The following CHSY1 variants were observed in gnomAD, a reference collection of about 807,000 sequenced individuals.
CHSY1 encodes chondroitin sulfate synthase 1, also known as N-acetylgalactosaminyl-proteoglycan 3-beta-glucuronosyltransferase 1.
In CHSY1, 13 loss-of-function variants were observed where a neutral mutation model predicts 59.8. That is an observed-to-expected ratio of 0.22 (90% CI 0.14 to 0.35). CHSY1 has a LOEUF of 0.35. Ranked by LOEUF, CHSY1 falls within the 10% of genes least tolerant of loss-of-function variation. The pLI is 1.00. For missense variants in CHSY1, 947 were observed against 1,030.6 expected, an observed-to-expected ratio of 0.92 and a Z score of 1.11; for synonymous variants, 459 against 401.2, an observed-to-expected ratio of 1.14 and a Z score of -1.72.
intron 2 of CHSY1, among the ~76,000 whole-genome samples, chr15:101,231,814 G>C (rs1343021485): frequency 1.3e-5 from 2 of 152,152 alleles, no homozygotes; most frequent in Non-Finnish European, 2.9e-5. Context: ...TCATGTATTT[G>C]CCTTGATAAA....
At chr15:101,204,208 T>C (rs547380046) in intron 2 of CHSY1, among the ~76,000 whole-genome samples, 14 of 151,810 alleles carry the variant, frequency 9.2e-5, no homozygotes, top group Admixed American at 2.6e-4. Flanking sequence ...CCGAGGTGGG[T>C]GGATCAGCTG....
chr15:101,204,481 T>C (rs1026149818), intron 2 of CHSY1, among the ~76,000 whole-genome samples: 2 of 149,020 alleles, frequency 1.3e-5, no homozygotes, highest in African/African-American at 4.9e-5. Context: ...TGTACACTTA[T>C]AGAGAAAATG....
At chr15:101,185,758 G>C (rs2038352921) in intron 2 of CHSY1, among the ~76,000 whole-genome samples, 1 of 145,980 alleles carries the variant, frequency 6.9e-6, no homozygotes, top group Admixed American at 6.9e-5. Flanking sequence ...GCTGTGATTT[G>C]GGTTTTCCCT....
At chr15:101,215,490 C>T (rs923239800) in intron 2 of CHSY1, among the ~76,000 whole-genome samples, 57 of 152,298 alleles carry the variant, frequency 3.7e-4, no homozygotes, top group Non-Finnish European at 6.9e-4. Context: ...ATCCCAGCAT[C>T]TGAGGAGGCC....
intron 2 of CHSY1, among the ~76,000 whole-genome samples, chr15:101,179,910 T>C (rs2141237557): frequency 6.6e-6 from 1 of 152,370 alleles, no homozygotes; most frequent in East Asian, 1.9e-4. Flanking sequence ...GATGAACGTT[T>C]TTACAAAGCA....
At position 101,251,637 on chromosome 15, in the gene CHSY1, G is replaced by A. The variant is rs2039116018; in HGVS notation, c.-181C>T. On this transcript the variant is annotated 5_prime_UTR_variant, in exon 1 of 3. Transcript: ENST00000254190. ...CGAGCCGCCCGCAGGCCCCGCGCCGGCGCTTTGTTCCGCACGCCCGCCCCC... is the reference window on the plus strand; with the variant it reads ...CGAGCCGCCCGCAGGCCCCGCGCCGACGCTTTGTTCCGCACGCCCGCCCCC... The A allele has an allele frequency of 6.8e-6, 1 of 146,366 alleles. No individual in the cohort carries two copies. The highest frequency in any genetic ancestry group is 2.5e-5 in the African/African-American group (1 of 40,770). 9.1% of individuals were successfully genotyped at this position (146,366 alleles called of 1,614,324 possible). A position where few individuals can be genotyped will look rare whatever the true frequency, so the allele number is the denominator to read the frequency against.
Position 101,235,593 on chromosome 15 carries a change from A to T in CHSY1, c.321-16T>A. On this transcript the variant is annotated splice_polypyrimidine_tract_variant and intron_variant, in intron 1 of 2. Transcript: ENST00000254190. ...GGACCATGTTCTGGAATTAAAATAA[A>T]TATCAGTTAGAGAACAGTTTATTCC... 1 of 1,603,360 alleles carries T rather than the reference A, an allele frequency of 6.2e-7. No individual in the cohort carries two copies. The highest frequency in any genetic ancestry group is 8.5e-7 in the Non-Finnish European group (1 of 1,179,660).
intron 1 of CHSY1, among the ~76,000 whole-genome samples, chr15:101,250,523 G>A (rs1012120501): frequency 7.9e-5 from 12 of 152,180 alleles, no homozygotes; most frequent in African/African-American, 2.9e-4. Flanking sequence ...ACACCAGAAT[G>A]CAGTTTTCCA....
At chr15:101,180,735 G>A (rs182855759) in intron 2 of CHSY1, among the ~76,000 whole-genome samples, 2 of 152,284 alleles carry the variant, frequency 1.3e-5, no homozygotes, top group African/African-American at 4.8e-5. Context: ...CCTGATGGGC[G>A]GGCCAGATAC....
At chr15:101,236,158 G>A (rs1490318846) in intron 1 of CHSY1, among the ~76,000 whole-genome samples, 1 of 152,188 alleles carries the variant, frequency 6.6e-6, no homozygotes, top group African/African-American at 2.4e-5. Context: ...CAACAGAACA[G>A]GGAGCCTTCC....
intron 2 of CHSY1, among the ~76,000 whole-genome samples, chr15:101,234,855 A>G (rs932020779): frequency 6.6e-6 from 1 of 152,286 alleles, no homozygotes; most frequent in East Asian, 1.9e-4. Flanking sequence ...AGACAGAGCA[A>G]GACTCTCTCT....
chr15:101,214,365 T>C (rs2038711273), intron 2 of CHSY1, among the ~76,000 whole-genome samples: 1 of 152,228 alleles, frequency 6.6e-6, no homozygotes, highest in Non-Finnish European at 1.5e-5. Context: ...CTACAGTTTA[T>C]ATCATAAAAG....
rs548958336 is a variant in CHSY1, at chr15:101,184,246, TG to T, written c.817-5267del. On this transcript the variant is annotated intron_variant, in intron 2 of 2. Coordinates refer to ENST00000254190, the MANE Select transcript of CHSY1 (RefSeq NM_014918.5). Reference sequence around the variant, plus strand: ...AGTGTGTGTGCTAAGGGGGTGAACATGGAGAAAAGTATTGACTAAACAGGCT... The same window carrying T: ...AGTGTGTGTGCTAAGGGGGTGAACATGAGAAAAGTATTGACTAAACAGGCT... Among the ~76,000 whole-genome samples the T allele has an allele frequency of 1.6e-4, 25 of 152,198 alleles. No homozygotes were observed. The East Asian group carries it at 4.8e-3, about 29-fold the overall frequency.
chr15:101,181,696 C>T (rs1294967514), intron 2 of CHSY1, among the ~76,000 whole-genome samples: 1 of 152,222 alleles, frequency 6.6e-6, no homozygotes, highest in Non-Finnish European at 1.5e-5. Context: ...ATTCTTAGAA[C>T]ACACATTGGA....
chr15:101,195,177 ACT>A (rs919244116), intron 2 of CHSY1, among the ~76,000 whole-genome samples: 1 of 152,212 alleles, frequency 6.6e-6, no homozygotes, highest in Non-Finnish European at 1.5e-5. Flanking sequence ...TCATAATCCT[ACT>A]CTGACATTTG....
At chr15:101,203,987 T>C (rs200058949) in intron 2 of CHSY1, among the ~76,000 whole-genome samples, 3 of 152,228 alleles carry the variant, frequency 2.0e-5, no homozygotes, top group South Asian at 2.1e-4. Flanking sequence ...CTAAACTCTG[T>C]AGATTACATA....
At chr15:101,192,068 G>C (rs914677337) in intron 2 of CHSY1, among the ~76,000 whole-genome samples, 1 of 152,038 alleles carries the variant, frequency 6.6e-6, no homozygotes, top group Non-Finnish European at 1.5e-5. Flanking sequence ...TATACAAAAA[G>C]AAGAGAGAAA....
intron 2 of CHSY1, among the ~76,000 whole-genome samples, chr15:101,208,205 G>C (rs1338727904): frequency 6.6e-6 from 1 of 152,072 alleles, no homozygotes; most frequent in Admixed American, 6.5e-5. Flanking sequence ...TTTTCCCCTG[G>C]TCAGCCCACT....
In CHSY1 at chr15:101,235,073, T is replaced by C. The variant is rs1445830454; in HGVS notation, c.816+9A>G. The C allele has an allele frequency of 6.2e-6, 10 of 1,613,072 alleles. No homozygotes were observed. The Admixed American group carries it at 1.3e-4, about 22-fold the overall frequency. ...AAGTTTTTCCCATGGTAAAGAATTC[T>C]GTTCTTACCTCATAAGACCAGACAC... On this transcript the variant is annotated intron_variant, in intron 2 of 2. Coordinates refer to ENST00000254190, the MANE Select transcript of CHSY1 (RefSeq NM_014918.5).
Sources: gnomAD v4.1 joint callset for allele counts (sites outside exome capture counted in the v4.1 genomes callset) on GRCh38, gnomAD v4.1.1 for gene constraint, MANE v1.5 for transcripts, NCBI Gene and HGNC (gene_info 2026-07-23, HGNC 2026-07-21) for gene names.